Variants in KIAA0825 observed in about 807,000 individuals in gnomAD.
KIAA0825 encodes the protein uncharacterized protein KIAA0825.
Under a neutral mutation model 147.6 loss-of-function variants are expected in KIAA0825, and 119 were observed. The ratio of observed to expected loss-of-function variants is 0.81; its 90% CI spans 0.69 to 0.94. The LOEUF (loss-of-function observed/expected upper bound fraction) is 0.94. KIAA0825 is among the 40% of genes least tolerant of loss of function. KIAA0825 has a pLI of 0.00. For missense variants in KIAA0825, 1,381 were observed against 1,472.7 expected, an observed-to-expected ratio of 0.94 and a Z score of 1.02; for synonymous variants, 470 against 518.1, an observed-to-expected ratio of 0.91 and a Z score of 1.26.
At chr5:94,278,381 C>G (rs895200253) in intron 20 of KIAA0825, among the ~76,000 whole-genome samples, 2 of 152,108 alleles carry the variant, frequency 1.3e-5, no homozygotes, top group East Asian at 3.9e-4. Context: ...CAACATTTCA[C>G]AATTTGTTTG....
chr5:94,488,725 G>A (rs1763356099), intron 5 of KIAA0825, among the ~76,000 whole-genome samples: 1 of 152,060 alleles, frequency 6.6e-6, no homozygotes, highest in Non-Finnish European at 1.5e-5. Flanking sequence ...CTGTTAAAGG[G>A]CATTTCTCAA....
chr5:94,457,103 AGTGAGAT>A (rs1199526750), intron 12 of KIAA0825, among the ~76,000 whole-genome samples: 6 of 152,184 alleles, frequency 3.9e-5, no homozygotes, highest in African/African-American at 1.4e-4. Flanking sequence ...TCTCAAAGGG[AGTGAGAT>A]CTGTATGAGC....
rs1373829625 is a variant in KIAA0825, at chr5:94,342,195, C to CA, written c.3710+42172dup. 3.9e-3 allele frequency among the ~76,000 whole-genome samples: 492 copies of CA among 125,990 alleles called. 5 individuals are homozygous for CA. The highest frequency in any genetic ancestry group is 0.012 in the African/African-American group (397 of 33,956). 82.7% of individuals were successfully genotyped at this position (125,990 alleles called of 152,430 possible). A position where few individuals can be genotyped will look rare whatever the true frequency, so the allele number is the denominator to read the frequency against. On this transcript the variant is annotated intron_variant, in intron 20 of 20. Coordinates refer to ENST00000682413, the MANE Select transcript of KIAA0825 (RefSeq NM_001145678.3). ...TGGGTGACAGAGCCAGACTCCGTCT[C>CA]AAAAAAAAAAAAGAACAACCTGAAG...
chr5:94,568,062 G>A (rs1236747148), intron 2 of KIAA0825: 1 of 164,608 alleles, frequency 6.1e-6, no homozygotes, highest in Non-Finnish European at 1.3e-5. Flanking sequence ...AGCCAATTAG[G>A]ACTCATGGTA....
chr5:94,196,493 G>T (rs1437828269), intron 20 of KIAA0825, among the ~76,000 whole-genome samples: 5 of 151,190 alleles, frequency 3.3e-5, no homozygotes, highest in Non-Finnish European at 7.4e-5. Context: ...AGGTCCAGAG[G>T]GTACATGTGC....
At chr5:94,271,937 G>C (rs1214017208) in intron 20 of KIAA0825, among the ~76,000 whole-genome samples, 1 of 151,846 alleles carries the variant, frequency 6.6e-6, no homozygotes, top group Non-Finnish European at 1.5e-5. Context: ...ACAGACAAGT[G>C]GATAAAGGAA....
At chr5:94,608,311 G>C (rs1196745063) in intron 1 of KIAA0825, among the ~76,000 whole-genome samples, 2 of 135,854 alleles carry the variant, frequency 1.5e-5, no homozygotes, top group Admixed American at 1.6e-4. Context: ...GCCTAGGAGG[G>C]AGTGCAGTGC....
At chr5:94,397,449 A>G (rs2150588794) in intron 16 of KIAA0825, among the ~76,000 whole-genome samples, 1 of 152,358 alleles carries the variant, frequency 6.6e-6, no homozygotes, top group South Asian at 2.1e-4. Context: ...TTATTCAAAT[A>G]TGTGTTGGAC....
chr5:94,441,956 C>A (rs1394618476), intron 13 of KIAA0825, among the ~76,000 whole-genome samples: 1 of 152,198 alleles, frequency 6.6e-6, no homozygotes, highest in Non-Finnish European at 1.5e-5. Context: ...TTTATTATTT[C>A]ATCAACTAAA....
At chr5:94,542,207 C>T (rs1366277665) in intron 2 of KIAA0825, among the ~76,000 whole-genome samples, 1 of 152,200 alleles carries the variant, frequency 6.6e-6, no homozygotes, top group Non-Finnish European at 1.5e-5. Flanking sequence ...TCAGGACTCT[C>T]ATGGAGAGCT....
At chr5:94,317,416 G>A (rs565311054) in intron 20 of KIAA0825, among the ~76,000 whole-genome samples, 3 of 151,970 alleles carry the variant, frequency 2.0e-5, no homozygotes, top group African/African-American at 4.8e-5. Flanking sequence ...CAAACACAGA[G>A]AGTCTCATTG....
At chr5:94,315,260 G>A (rs1486926504) in intron 20 of KIAA0825, among the ~76,000 whole-genome samples, 1 of 151,594 alleles carries the variant, frequency 6.6e-6, no homozygotes, top group East Asian at 1.9e-4. Flanking sequence ...ACTTATTAAT[G>A]ACTTTTGTTC....
chr5:94,220,213 C>T (rs974408526), intron 20 of KIAA0825, among the ~76,000 whole-genome samples: 5 of 152,152 alleles, frequency 3.3e-5, no homozygotes, highest in African/African-American at 1.2e-4. Flanking sequence ...GGGTCAGAGT[C>T]ATCAATATCA....
intron 5 of KIAA0825, among the ~76,000 whole-genome samples, chr5:94,503,731 A>T (rs1765367619): frequency 6.6e-6 from 1 of 152,208 alleles, no homozygotes; most frequent in Non-Finnish European, 1.5e-5. Flanking sequence ...GTCTTAGAGA[A>T]GACCAACACA....
intron 1 of KIAA0825, among the ~76,000 whole-genome samples, chr5:94,588,164 A>G (rs1228134270): frequency 6.6e-6 from 1 of 152,228 alleles, no homozygotes; most frequent in Non-Finnish European, 1.5e-5. Flanking sequence ...AACAAAAGCA[A>G]TGGGAACAAA....
intron 20 of KIAA0825, among the ~76,000 whole-genome samples, chr5:94,167,826 A>G (rs1156237764): frequency 1.3e-5 from 2 of 151,970 alleles, no homozygotes; most frequent in Non-Finnish European, 1.5e-5. Flanking sequence ...TGGTAGTCAC[A>G]TCTTTGCCTT....
chr5:94,234,946 T>C (rs1018732886), intron 20 of KIAA0825, among the ~76,000 whole-genome samples: 1 of 152,108 alleles, frequency 6.6e-6, no homozygotes, highest in African/African-American at 2.4e-5. Flanking sequence ...TTGATAAATG[T>C]TATGTGTTTT....
At chr5:94,557,304 T>C (rs377150788) in intron 2 of KIAA0825, among the ~76,000 whole-genome samples, 45 of 152,174 alleles carry the variant, frequency 3.0e-4, no homozygotes, top group African/African-American at 1.0e-3. Flanking sequence ...GGTTTTGCCA[T>C]GTTGCCCAGG....
intron 14 of KIAA0825, among the ~76,000 whole-genome samples, chr5:94,436,944 C>T (rs62364604): frequency 0.1 from 15,197 of 152,072 alleles, 1,054 homozygotes; most frequent in East Asian, 0.26. Flanking sequence ...TACAGAAATG[C>T]TAGCAATTTT....
Sources: gnomAD v4.1 joint callset for allele counts (sites outside exome capture counted in the v4.1 genomes callset) on GRCh38, gnomAD v4.1.1 for gene constraint, MANE v1.5 for transcripts, NCBI Gene and HGNC (gene_info 2026-07-23, HGNC 2026-07-21) for gene names.